The following KIAA1328 variants were observed in gnomAD, a reference collection of about 807,000 sequenced individuals.
KIAA1328 encodes KIAA1328, also known as protein hinderin.
In KIAA1328, 52 loss-of-function variants were observed where a neutral mutation model predicts 68.1. The ratio of observed to expected loss-of-function variants is 0.76; its 90% CI spans 0.61 to 0.96. The LOEUF is 0.96. Ranked by LOEUF, KIAA1328 falls within the 40% of genes least tolerant of loss-of-function variation. KIAA1328 has a pLI of 0.00. For synonymous variants in KIAA1328, 232 were observed against 239.4 expected (o/e 0.97, Z 0.28); for missense variants, 641 against 677.6 (o/e 0.95, Z 0.60).
intron 7 of KIAA1328, among the ~76,000 whole-genome samples, 183 bp from the exon 8 acceptor site, chr18:37,160,017 C>T (rs2059243435): frequency 6.6e-6 from 1 of 152,076 alleles, no homozygotes; most frequent in African/African-American, 2.4e-5. Flanking sequence ...ATTTCTTTTC[C>T]AAAATTGTTG....
At chr18:36,902,571 T>C (rs1421606705) in intron 5 of KIAA1328, among the ~76,000 whole-genome samples, 3 of 152,102 alleles carry the variant, frequency 2.0e-5, no homozygotes, top group Non-Finnish European at 4.4e-5. Flanking sequence ...TAATTCTACA[T>C]TATGTTTTAT....
intron 1 of KIAA1328, chr18:36,834,081 T>C: frequency 1.8e-6 from 1 of 550,384 alleles, no homozygotes; most frequent in Non-Finnish European, 2.6e-6. Context: ...AGATGTGTAG[T>C]TGTGAATATA....
chr18:36,845,836 G>A (rs1365510), intron 4 of KIAA1328, among the ~76,000 whole-genome samples: 40,290 of 151,184 alleles, frequency 0.27, 8,423 homozygotes, highest in African/African-American at 0.59. Context: ...AGTCTTTTCT[G>A]ACATAGAAAA....
At chr18:36,865,156 T>G (rs993566399) in intron 4 of KIAA1328, among the ~76,000 whole-genome samples, 1 of 152,096 alleles carries the variant, frequency 6.6e-6, no homozygotes, top group Non-Finnish European at 1.5e-5. Flanking sequence ...TCTTTTTCAA[T>G]GTAAGCATTT....
At chr18:36,966,237 T>C (rs2050035390) in intron 6 of KIAA1328, among the ~76,000 whole-genome samples, 1 of 152,172 alleles carries the variant, frequency 6.6e-6, no homozygotes, top group Non-Finnish European at 1.5e-5. Flanking sequence ...AGTACTAGTT[T>C]ACCTGCCTTA....
At chr18:36,947,593 G>T (rs902530305) in intron 5 of KIAA1328, among the ~76,000 whole-genome samples, 1 of 152,212 alleles carries the variant, frequency 6.6e-6, no homozygotes, top group Admixed American at 6.5e-5. Flanking sequence ...GGAGACCAAG[G>T]TTTTTTGCAG....
At chr18:36,909,387 G>GTT (rs1320848179) in intron 5 of KIAA1328, among the ~76,000 whole-genome samples, 1 of 151,330 alleles carries the variant, frequency 6.6e-6, no homozygotes, top group Non-Finnish European at 1.5e-5. Flanking sequence ...GTGGTGTTTG[G>GTT]TTTTTTTGTC....
downstream of KIAA1328, chr18:37,231,653 C>G (rs1029871384): frequency 1.3e-5 from 2 of 152,756 alleles, no homozygotes; most frequent in Admixed American, 6.5e-5. Context: ...TCCCTTCTTC[C>G]TTGCAGGCCA....
At chr18:37,169,947 G>C (rs1436778980) in intron 8 of KIAA1328, among the ~76,000 whole-genome samples, 1 of 152,182 alleles carries the variant, frequency 6.6e-6, no homozygotes, top group Non-Finnish European at 1.5e-5. Context: ...CAGGTATTCT[G>C]TGATAGTGAC....
intron 7 of KIAA1328, among the ~76,000 whole-genome samples, chr18:37,072,557 A>G (rs907592606): frequency 1.3e-5 from 2 of 152,228 alleles, no homozygotes; most frequent in South Asian, 2.1e-4. Flanking sequence ...TTCTTCCTAA[A>G]TTATTTTTTT....
intron 7 of KIAA1328, among the ~76,000 whole-genome samples, chr18:37,139,362 T>C (rs990529502): frequency 2.0e-5 from 3 of 152,176 alleles, no homozygotes; most frequent in African/African-American, 7.2e-5. Context: ...TTAGGAAAAT[T>C]ATCTTTAAGA....
At chr18:37,061,962 G>T (rs2056163369) in intron 6 of KIAA1328, among the ~76,000 whole-genome samples, 1 of 152,076 alleles carries the variant, frequency 6.6e-6, no homozygotes, top group African/African-American at 2.4e-5. Context: ...AATTCAATGA[G>T]AAGAATCATA....
intron 5 of KIAA1328, among the ~76,000 whole-genome samples, chr18:36,952,206 A>G (rs2051187970): frequency 6.6e-6 from 1 of 152,048 alleles, no homozygotes; most frequent in African/African-American, 2.4e-5. Flanking sequence ...TACCTGGTAC[A>G]TCTATATACT....
At chr18:37,201,909 G>A (rs138686837) in intron 9 of KIAA1328, among the ~76,000 whole-genome samples, 2 of 152,224 alleles carry the variant, frequency 1.3e-5, no homozygotes, top group East Asian at 3.9e-4. Context: ...CAAGTCTGTT[G>A]GCTTTCTAAA....
chr18:37,124,174 A>C (rs2058337399), intron 7 of KIAA1328, among the ~76,000 whole-genome samples: 2 of 152,188 alleles, frequency 1.3e-5, no homozygotes, highest in South Asian at 4.1e-4. Flanking sequence ...GCTAAGACAA[A>C]ATGCAGAATA....
intron 9 of KIAA1328, among the ~76,000 whole-genome samples, chr18:37,201,132 C>T (rs986186265): frequency 6.6e-6 from 1 of 152,138 alleles, no homozygotes; most frequent in African/African-American, 2.4e-5. Flanking sequence ...TATATCACTG[C>T]TCTTGCTTGT....
chr18:36,926,349 C>G (rs2050115140), intron 5 of KIAA1328, among the ~76,000 whole-genome samples: 1 of 151,484 alleles, frequency 6.6e-6, no homozygotes, highest in Admixed American at 6.6e-5. Context: ...GTTTCACTCA[C>G]TTTCTTCCTT....
intron 6 of KIAA1328, among the ~76,000 whole-genome samples, chr18:37,009,750 C>G (rs550479980): frequency 1.3e-5 from 2 of 152,104 alleles, no homozygotes; most frequent in Non-Finnish European, 2.9e-5. Flanking sequence ...GATGGATAGT[C>G]TGTGTCTGAG....
intron 6 of KIAA1328, among the ~76,000 whole-genome samples, chr18:37,053,644 G>T (rs1243979725): frequency 6.6e-6 from 1 of 152,138 alleles, no homozygotes; most frequent in East Asian, 1.9e-4. Context: ...TTGACCCACA[G>T]TTCCACATGG....
Sources: gnomAD v4.1 joint callset for allele counts (sites outside exome capture counted in the v4.1 genomes callset) on GRCh38, gnomAD v4.1.1 for gene constraint, MANE v1.5 for transcripts, NCBI Gene and HGNC (gene_info 2026-07-23, HGNC 2026-07-21) for gene names.